Variants in OFD1 observed in about 807,000 individuals in gnomAD.
OFD1 encodes the protein centriole and centriolar satellite protein OFD1.
OFD1 carries 12 observed loss-of-function variants against 81.4 expected under a neutral mutation model. That is an observed-to-expected ratio of 0.15 (90% CI 0.09 to 0.24). The LOEUF (loss-of-function observed/expected upper bound fraction) is 0.24. OFD1 is among the 10% of genes least tolerant of loss of function. The pLI, the probability that OFD1 is intolerant of heterozygous loss-of-function variation, is 1.00. For synonymous variants in OFD1, 256 were observed against 263.7 expected (o/e 0.97, Z 0.28); for missense variants, 685 against 733.9 (o/e 0.93, Z 0.77).
At chrX:13,726,085 G>A in the OFD1 span, among the ~76,000 whole-genome samples, 6 of 112,182 alleles carry the variant, frequency 5.3e-5, no homozygotes, top group Non-Finnish European at 7.5e-5. Flanking sequence ...AACGAACAAA[G>A]CCTCCAAGAA....
downstream of OFD1, among the ~76,000 whole-genome samples, chrX:13,770,146 G>C (rs73451156): frequency 3.9e-4 from 44 of 112,278 alleles, no homozygotes; most frequent in Non-Finnish European, 5.6e-4. Flanking sequence ...CCTAGGTTTC[G>C]TGGCAGGATC....
At chrX:13,732,334 A>G (rs1313876116), upstream of OFD1, among the ~76,000 whole-genome samples, 1 of 112,009 alleles carries the variant, frequency 8.9e-6, no homozygotes, top group Non-Finnish European at 1.9e-5. Context: ...GGAGTAGGGG[A>G]GACCTTTTTG....
At chrX:13,760,838 C>A in intron 16 of OFD1, 118 bp downstream of exon 16, 1 of 976,164 alleles carries the variant, frequency 1.0e-6, no homozygotes, top group Non-Finnish European at 1.4e-6. Flanking sequence ...GTGTTTGGCA[C>A]ACAGAGCTGT....
At chrX:13,769,659 G>T (rs1314800577), downstream of OFD1, among the ~76,000 whole-genome samples, 9 of 111,878 alleles carry the variant, frequency 8.0e-5, no homozygotes, top group Non-Finnish European at 1.5e-4. Context: ...CCGTGTGATA[G>T]AATTAAGAGG....
chrX:13,753,984 A>ATT (rs772659719), intron 11 of OFD1, among the ~76,000 whole-genome samples: 35 of 101,538 alleles, frequency 3.4e-4, no homozygotes, highest in African/African-American at 1.0e-3. Context: ...ATTTCAGTGT[A>ATT]TTTTTTTTTT....
At chrX:13,732,969 C>T (rs1050902064), upstream of OFD1, among the ~76,000 whole-genome samples, 5 of 112,182 alleles carry the variant, frequency 4.5e-5, no homozygotes, top group Non-Finnish European at 7.5e-5. Flanking sequence ...TGAGGAGGGG[C>T]AGTAGGAATA....
rs186544362 is a variant in OFD1 at position 13,769,141 on chromosome X, C to T, written c.*33C>T. 1.8e-6 allele frequency: 2 copies of T among 1,090,364 alleles called. No individual in the cohort carries two copies. The allele number at this position is 1,090,364 out of a possible 1,213,427, so 89.9% of individuals were successfully genotyped here. A position where few individuals can be genotyped will look rare whatever the true frequency, so the allele number is the denominator to read the frequency against. Reference sequence around the variant, plus strand: ...TGCTGCCCAGCTTCTAACTTACATACCGTGAGAAGTTACGTAACATTTACT... The same window carrying T: ...TGCTGCCCAGCTTCTAACTTACATATCGTGAGAAGTTACGTAACATTTACT... On this transcript the variant is annotated 3_prime_UTR_variant, in exon 23 of 23. Transcript: ENST00000340096.
rs770894121 is a variant in OFD1, at chrX:13,753,450, T to TG, written c.1129+15dup. On this transcript the variant is annotated intron_variant, in intron 11 of 22. Transcript: ENST00000340096. ...TGAAAGGAAGAATAAAGGTGATGTTTGGGGGGAAAATAAGCTGTATTTTTC... is the reference window on the plus strand; with the variant it reads ...TGAAAGGAAGAATAAAGGTGATGTTTGGGGGGGAAAATAAGCTGTATTTTTC... 45 of 1,206,219 alleles carry TG rather than the reference T, an allele frequency of 3.7e-5. No individual in the cohort carries two copies. In the East Asian group the frequency reaches 1.2e-3, roughly 33 times the overall value.
chrX:13,736,283 G>A, intron 2 of OFD1, 195 bp from the exon 3 acceptor site: 1 of 1,057,605 alleles, frequency 9.5e-7, no homozygotes, highest in South Asian at 2.5e-5. Context: ...CCACTGGACT[G>A]CTTGTCTCAC....
chrX:13,766,199 C>T (rs1166257072), intron 19 of OFD1, among the ~76,000 whole-genome samples: 1 of 112,328 alleles, frequency 8.9e-6, no homozygotes, highest in Non-Finnish European at 1.9e-5. Flanking sequence ...GGAGATGCTG[C>T]ACAGCAGATC....
intron 5 of OFD1, among the ~76,000 whole-genome samples, chrX:13,742,323 C>T (rs185144426): frequency 1.4e-4 from 16 of 111,182 alleles, no homozygotes; most frequent in African/African-American, 4.9e-4. Context: ...TTTATTATAC[C>T]TTACACAAAA....
At chrX:13,746,101 C>T (rs1318849181) in intron 6 of OFD1, among the ~76,000 whole-genome samples, 1 of 112,339 alleles carries the variant, frequency 8.9e-6, no homozygotes, top group East Asian at 2.8e-4. Flanking sequence ...TGTATACCCA[C>T]CACCTAGATG....
chrX:13,740,808 AT>A (rs1163483535), intron 5 of OFD1, among the ~76,000 whole-genome samples: 29 of 107,757 alleles, frequency 2.7e-4, no homozygotes, highest in African/African-American at 9.5e-4. Flanking sequence ...AAAAAAAAAA[AT>A]CTATGTAGTT....
Position 13,735,296 on chromosome X carries a change from A to G in OFD1, c.61A>G (p.Lys21Glu), listed in dbSNP as rs1473408729. The change falls in exon 2 of 23, where the codon AAA (lysine) becomes GAA (glutamate). Residue 21 changes from lysine to glutamate, a missense_variant. This residue lies in a region of OFD1 where 414 missense variants were observed against 447.2 expected (regional missense o/e 0.93). Coordinates refer to ENST00000340096, the MANE Select transcript of OFD1 (RefSeq NM_003611.3). ...ADVLSQDELRKKLYQTFKDRG... is the reference protein window; with the variant it reads ...ADVLSQDELREKLYQTFKDRG... ...TGTGTTGAGTCAAGATGAACTGCGCAAAAAGCTATACCAGACGTTTAAGGA... is the reference window on the plus strand; with the variant it reads ...TGTGTTGAGTCAAGATGAACTGCGCGAAAAGCTATACCAGACGTTTAAGGA... The G allele has an allele frequency of 1.7e-6, 2 of 1,211,643 alleles. No individual in the cohort carries two copies. The highest frequency in any genetic ancestry group is 2.2e-5 in the Admixed American group (1 of 46,082).
At chrX:13,746,185 G>A in intron 6 of OFD1, 134 bp from the exon 7 acceptor site, 1 of 526,425 alleles carries the variant, frequency 1.9e-6, no homozygotes, top group South Asian at 2.9e-5. Flanking sequence ...TCCTTTTTTT[G>A]TATTTCAAAG....
At chrX:13,771,136 A>C (rs920777537), downstream of OFD1, 7 of 112,529 alleles carry the variant, frequency 6.2e-5, no homozygotes, top group Non-Finnish European at 1.3e-4. Context: ...AAATTTATAC[A>C]TAGCAAAATT....
intron 10 of OFD1, among the ~76,000 whole-genome samples, chrX:13,752,445 T>C (rs5935658): frequency 4.2e-3 from 474 of 112,634 alleles, no homozygotes; most frequent in Non-Finnish European, 7.4e-3. Context: ...GTCATCGATA[T>C]TCCATTACAT....
intron 19 of OFD1, among the ~76,000 whole-genome samples, chrX:13,765,308 C>T (rs1482402939): frequency 9.0e-6 from 1 of 110,521 alleles, no homozygotes; most frequent in Non-Finnish European, 1.9e-5. Flanking sequence ...AAATATACAC[C>T]AGAGTAGAGA....
chrX:13,726,312 T>C, the OFD1 span, among the ~76,000 whole-genome samples: 1 of 111,454 alleles, frequency 9.0e-6, no homozygotes, highest in Non-Finnish European at 1.9e-5. Flanking sequence ...AATTGTCAGA[T>C]TCACCAAGGT....
Sources: allele counts gnomAD v4.1 joint callset (sites outside exome capture counted in the v4.1 genomes callset), GRCh38; gene constraint gnomAD v4.1.1; regional missense constraint gnomAD v4.1.1; transcripts MANE v1.5; gene names NCBI Gene and HGNC (gene_info 2026-07-23, HGNC 2026-07-21).